The following CACNA1B variants were observed in gnomAD, a reference collection of about 807,000 sequenced individuals.
CACNA1B encodes the protein voltage-dependent N-type calcium channel subunit alpha-1B.
CACNA1B carries 70 observed loss-of-function variants against 247.2 expected under a neutral mutation model. The ratio of observed to expected loss-of-function variants is 0.28; its 90% CI spans 0.23 to 0.35. CACNA1B has a LOEUF of 0.35. Among genes scored for constraint, CACNA1B ranks in the 10% least tolerant of loss-of-function variants. The pLI, the probability that CACNA1B is intolerant of heterozygous loss-of-function variation, is 1.00. For synonymous variants in CACNA1B, 1,231 were observed against 1,294.4 expected (o/e 0.95, Z 1.05); for missense variants, 2,367 against 3,197.4 (o/e 0.74, Z 6.26).
chr9:138,080,920 G>A (rs1369439090), intron 36 of CACNA1B, among the ~76,000 whole-genome samples: 1 of 152,202 alleles, frequency 6.6e-6, no homozygotes, highest in Non-Finnish European at 1.5e-5. Context: ...GAGAAATACA[G>A]AAGAACCTAC....
intron 20 of CACNA1B, among the ~76,000 whole-genome samples, 200 bp from the exon 21 acceptor site, chr9:138,043,574 G>A (rs563393642): frequency 6.6e-5 from 10 of 152,290 alleles, no homozygotes; most frequent in South Asian, 2.1e-4. Flanking sequence ...GTCCGTTAGC[G>A]TCTCTGCGGC....
chr9:138,091,020 G>A (rs910970100), intron 36 of CACNA1B, among the ~76,000 whole-genome samples: 11 of 152,180 alleles, frequency 7.2e-5, no homozygotes, highest in Non-Finnish European at 1.5e-4. Flanking sequence ...GTGTGATCTA[G>A]CAATTCCACT....
chr9:138,085,162 CAAAG>C (rs1960655095), intron 36 of CACNA1B, among the ~76,000 whole-genome samples: 1 of 150,338 alleles, frequency 6.7e-6, no homozygotes. Context: ...AAAAATTCAA[CAAAG>C]AGATAGGAAT....
At chr9:138,061,525 G>A (rs558192587) in intron 31 of CACNA1B, among the ~76,000 whole-genome samples, 11 of 152,260 alleles carry the variant, frequency 7.2e-5, no homozygotes, top group East Asian at 1.9e-4. Context: ...TCACCAAGCC[G>A]GCATTTTATC....
In CACNA1B at chr9:137,986,942, C is replaced by A; in HGVS notation, c.1974+88C>A. On this transcript the variant is annotated intron_variant, in intron 15 of 46. Coordinates refer to ENST00000371372, the MANE Select transcript of CACNA1B (RefSeq NM_000718.4). The surrounding 1 kb of genome is among the most constrained non-coding windows in gnomAD (Gnocchi z 6.0). ...AGGCGGACTCTCCTGTCATTCCCTC[C>A]CTTGTTCCTCCACACGGCCCAGATC... 1.0e-6 allele frequency: 1 copy of A among 953,912 alleles called. No homozygotes were observed. The highest frequency in any genetic ancestry group is 1.7e-6 in the Non-Finnish European group (1 of 583,860). 59.1% of individuals were successfully genotyped at this position (953,912 alleles called of 1,614,324 possible).
At chr9:137,932,437 G>A (rs1317688777) in intron 6 of CACNA1B, among the ~76,000 whole-genome samples, 1 of 152,196 alleles carries the variant, frequency 6.6e-6, no homozygotes, top group Non-Finnish European at 1.5e-5. Flanking sequence ...ACGGGAAAAA[G>A]GCTCCTTGTT....
chr9:138,099,972 G>C (rs1167124358), intron 37 of CACNA1B, among the ~76,000 whole-genome samples: 2 of 152,274 alleles, frequency 1.3e-5, no homozygotes, highest in Non-Finnish European at 2.9e-5. Context: ...GGGGCCCAAA[G>C]GTGAAACAGG....
chr9:137,915,917 A>G (rs532615488), intron 5 of CACNA1B, among the ~76,000 whole-genome samples: 16 of 152,260 alleles, frequency 1.1e-4, no homozygotes, highest in Non-Finnish European at 2.1e-4. Flanking sequence ...ACAGAGAGGA[A>G]TAAACTTAGG....
At chr9:137,912,541 A>G (rs992604742) in intron 3 of CACNA1B, among the ~76,000 whole-genome samples, 1 of 152,208 alleles carries the variant, frequency 6.6e-6, no homozygotes, top group Non-Finnish European at 1.5e-5. Flanking sequence ...TGGGAAGGGA[A>G]CAGAGAAATG....
At chr9:137,894,302 AT>A (rs56794355) in intron 3 of CACNA1B, among the ~76,000 whole-genome samples, 4,440 of 96,076 alleles carry the variant, frequency 0.046, 106 homozygotes, top group East Asian at 0.22. Context: ...TTGTCTCTGT[AT>A]TTTTTTTTTT....
intron 20 of CACNA1B, among the ~76,000 whole-genome samples, chr9:138,026,286 T>G (rs1195527489): frequency 6.6e-6 from 1 of 152,200 alleles, no homozygotes; most frequent in East Asian, 1.9e-4. Flanking sequence ...GTTCATTTTC[T>G]TGTTCACTTC....
chr9:137,929,561 A>G lies in CACNA1B; in HGVS notation c.966+12130A>G, dbSNP rs74540494. Among the ~76,000 whole-genome samples, 66 of 152,306 alleles carry G rather than the reference A, an allele frequency of 4.3e-4. 1 individual carries two copies. In the East Asian group the frequency reaches 0.012, roughly 29 times the overall value. On this transcript the variant is annotated intron_variant, in intron 6 of 46. Coordinates refer to ENST00000371372, the MANE Select transcript of CACNA1B (RefSeq NM_000718.4). Reference sequence around the variant, plus strand: ...CAGAGGGAGACCCTGTCTTTAAAACAGTAATAATAAAACTAAAAAATAAGA... The same window carrying G: ...CAGAGGGAGACCCTGTCTTTAAAACGGTAATAATAAAACTAAAAAATAAGA...
intron 20 of CACNA1B, among the ~76,000 whole-genome samples, chr9:138,033,378 C>T (rs1488959463): frequency 6.6e-6 from 1 of 152,020 alleles, no homozygotes; most frequent in Non-Finnish European, 1.5e-5. Flanking sequence ...ATTCTAACAT[C>T]TGTATCATCT....
chr9:138,034,793 T>TC (rs1399650667), intron 20 of CACNA1B, among the ~76,000 whole-genome samples: 1 of 152,190 alleles, frequency 6.6e-6, no homozygotes, highest in African/African-American at 2.4e-5. Context: ...GATCTTGTAG[T>TC]CCCCCCTTAT....
In CACNA1B at chr9:137,954,856, T is replaced by TTGTGTGTG. The variant is rs150496046; in HGVS notation, c.1071-825_1071-818dup. ...ACACCCACTCCACCAACTCAGAAGC[T>TTGTGTGTG]TGTGTGTGTGTGTGTGTGTGTGTGA... On this transcript the variant is annotated intron_variant, in intron 7 of 46. Transcript: ENST00000371372. The surrounding 1 kb of genome is among the most constrained non-coding windows in gnomAD (Gnocchi z 4.1). Among the ~76,000 whole-genome samples the TTGTGTGTG allele has an allele frequency of 2.0e-3, 242 of 120,986 alleles. 1 individual carries two copies. The highest frequency in any genetic ancestry group is 8.8e-3 in the East Asian group (29 of 3,280). 79.4% of individuals were successfully genotyped at this position (120,986 alleles called of 152,430 possible).
intron 15 of CACNA1B, among the ~76,000 whole-genome samples, chr9:138,000,177 C>G (rs1030813007): frequency 1.3e-5 from 2 of 151,156 alleles, no homozygotes; most frequent in African/African-American, 4.9e-5. Context: ...CGGCTCACTG[C>G]AAGCTCCGCC....
At chr9:138,003,778 C>CTTTTT (rs11305081) in intron 15 of CACNA1B, among the ~76,000 whole-genome samples, 6 of 86,886 alleles carry the variant, frequency 6.9e-5, no homozygotes, top group African/African-American at 1.1e-4. Flanking sequence ...ACGGGCTTGC[C>CTTTTT]TTTTTTTTTT....
rs562200070 is a variant in CACNA1B, at chr9:138,048,269, G to A, written c.3603+811G>A. Among the ~76,000 whole-genome samples the A allele has an allele frequency of 4.6e-5, 7 of 152,346 alleles. 1 individual carries two copies. The highest frequency in any genetic ancestry group is 4.6e-4 in the Admixed American group (7 of 15,310). On this transcript the variant is annotated intron_variant, in intron 23 of 46. Coordinates refer to ENST00000371372, the MANE Select transcript of CACNA1B (RefSeq NM_000718.4). Reference sequence around the variant, plus strand: ...ACAGCAGCAGGAGTGACAGAGCCAGGATGTGAGTGAAGGTCTGCGTAACTG... The same window carrying A: ...ACAGCAGCAGGAGTGACAGAGCCAGAATGTGAGTGAAGGTCTGCGTAACTG...
At chr9:137,892,603 G>A in intron 3 of CACNA1B, 1 of 352,852 alleles carries the variant, frequency 2.8e-6, no homozygotes, top group Non-Finnish European at 5.6e-6. Flanking sequence ...GGCCAAGGGT[G>A]GGACCAGGTG....
Sources: gnomAD v4.1 joint callset for allele counts (sites outside exome capture counted in the v4.1 genomes callset) on GRCh38, gnomAD v4.1.1 for gene constraint, Gnocchi (gnomAD v3.1) non-coding constraint, MANE v1.5 for transcripts, NCBI Gene and HGNC (gene_info 2026-07-23, HGNC 2026-07-21) for gene names.